The following BAIAP2L1 variants were observed in gnomAD, a reference collection of about 807,000 sequenced individuals.
BAIAP2L1 encodes BAR/IMD domain containing adaptor protein 2 like 1, also known as BAR/IMD domain-containing adapter protein 2-like 1.
BAIAP2L1 carries 35 observed loss-of-function variants against 66.3 expected under a neutral mutation model. The ratio of observed to expected loss-of-function variants is 0.53; its 90% confidence interval spans 0.40 to 0.70. The LOEUF (loss-of-function observed/expected upper bound fraction) is 0.70. BAIAP2L1 is among the 30% of genes least tolerant of loss of function. BAIAP2L1 has a pLI of 0.00. For synonymous variants in BAIAP2L1, 269 were observed against 248.7 expected (o/e 1.08, Z -0.77); for missense variants, 622 against 656.9 (o/e 0.95, Z 0.58).
chr7:98,381,919 A>C lies in BAIAP2L1; in HGVS notation c.51+18883T>G, dbSNP rs1253471346. Among the ~76,000 whole-genome samples the C allele has an allele frequency of 3.0e-5, 4 of 131,282 alleles. 1 individual carries two copies. Among genetic ancestry groups the C allele is most frequent in the Non-Finnish European group, 6.3e-5 (4 of 63,922 alleles). The allele number at this position is 131,282 out of a possible 152,430, so 86.1% of individuals were successfully genotyped here. A position where few individuals can be genotyped will look rare whatever the true frequency, so the allele number is the denominator to read the frequency against. ...CTACCCCCACCCACATTAGGGTAAA[A>C]ATCTAAGGGTTTTTTTTTTTTTTTG... is the stretch of plus-strand genomic sequence containing the variant. On this transcript the variant is annotated intron_variant, in intron 1 of 13. Coordinates refer to ENST00000005260, the MANE Select transcript of BAIAP2L1 (RefSeq NM_018842.5).
chr7:98,340,539 G>A (rs1484690761), intron 3 of BAIAP2L1, among the ~76,000 whole-genome samples: 1 of 151,840 alleles, frequency 6.6e-6, no homozygotes, highest in Non-Finnish European at 1.5e-5. Flanking sequence ...CACCCGCCTC[G>A]GCCTCCCAAA....
At chr7:98,393,397 A>G (rs1338384471) in intron 1 of BAIAP2L1, among the ~76,000 whole-genome samples, 1 of 151,732 alleles carries the variant, frequency 6.6e-6, no homozygotes, top group Non-Finnish European at 1.5e-5. Context: ...CCCTATTTAA[A>G]CTGGAGCTCG....
At position 98,320,287 on chromosome 7, in the gene BAIAP2L1, T is replaced by C. The variant is rs1434475499; in HGVS notation, c.226A>G (p.Ile76Val). Reference protein sequence around the residue: ...PVSTELGHVLIEISSTHKKLN... With the variant: ...PVSTELGHVLVEISSTHKKLN... ...TTCTTGTGGGTACTTGAAATCTCTATGAGGACATGTCCTGGGAACAAAACC... is the reference window on the plus strand; with the variant it reads ...TTCTTGTGGGTACTTGAAATCTCTACGAGGACATGTCCTGGGAACAAAACC... Residue 76 changes from isoleucine (I) to valine (V), a missense_variant, in exon 4 of 14, where the codon ATA becomes GTA. Transcript: ENST00000005260. 6.2e-7 allele frequency: 1 copy of C among 1,606,586 alleles called. No individual in the cohort carries two copies. Among genetic ancestry groups the C allele is most frequent in the South Asian group, 1.1e-5 (1 of 90,012 alleles).
chr7:98,300,703 C>T (rs1020145177), intron 12 of BAIAP2L1, among the ~76,000 whole-genome samples: 7 of 152,140 alleles, frequency 4.6e-5, no homozygotes, highest in South Asian at 2.1e-4. Context: ...CCGTGAGGTG[C>T]GAAGGGTGTG....
At chr7:98,321,238 A>G (rs1352624564) in intron 3 of BAIAP2L1, among the ~76,000 whole-genome samples, 1 of 152,212 alleles carries the variant, frequency 6.6e-6, no homozygotes, top group Non-Finnish European at 1.5e-5. Context: ...TGTCTCACAA[A>G]TGATTACTTC....
chr7:98,332,252 G>A (rs185313783), intron 3 of BAIAP2L1, among the ~76,000 whole-genome samples: 120 of 150,848 alleles, frequency 8.0e-4, no homozygotes, highest in African/African-American at 2.5e-3. Flanking sequence ...GTGTGGTGGC[G>A]CACACCTGTA....
At chr7:98,309,365 G>C (rs1479356133) in intron 9 of BAIAP2L1, 1 of 151,656 alleles carries the variant, frequency 6.6e-6, no homozygotes, top group Admixed American at 6.6e-5. Context: ...ATATTGGCCA[G>C]GCTGGTCTCG....
chr7:98,305,848 A>G (rs987345661), intron 11 of BAIAP2L1, among the ~76,000 whole-genome samples: 9 of 152,188 alleles, frequency 5.9e-5, no homozygotes, highest in African/African-American at 2.2e-4. Context: ...CTGATCTGGA[A>G]TACGGATTTG....
intron 1 of BAIAP2L1, among the ~76,000 whole-genome samples, chr7:98,372,570 T>C (rs1023218402): frequency 1.3e-5 from 2 of 152,146 alleles, no homozygotes; most frequent in Admixed American, 6.6e-5. Context: ...GCTTGTAACG[T>C]ATGTATCCTT....
chr7:98,362,956 T>C (rs1802306289), intron 1 of BAIAP2L1, among the ~76,000 whole-genome samples: 1 of 151,526 alleles, frequency 6.6e-6, no homozygotes, highest in Non-Finnish European at 1.5e-5. Context: ...AAGGGGGCAT[T>C]GGTAGCATGT....
chr7:98,351,085 T>C, intron 3 of BAIAP2L1, among the ~76,000 whole-genome samples: 1 of 152,152 alleles, frequency 6.6e-6, no homozygotes, highest in Non-Finnish European at 1.5e-5. Flanking sequence ...AGGCTCGAAC[T>C]CCTGACCTCG....
In BAIAP2L1 at chr7:98,361,048, G is replaced by A. The variant is rs376576391; in HGVS notation, c.127+1309C>T. 7.2e-5 allele frequency among the ~76,000 whole-genome samples: 11 copies of A among 152,202 alleles called. No homozygotes were observed. In the East Asian group the frequency reaches 9.7e-4, roughly 13 times the overall value. ...TTTATTTTCAAAATATCAACAGGGA[G>A]CAACCAGTATGGCAAAAAAGATAAG... On this transcript the variant is annotated intron_variant, in intron 2 of 13. Transcript: ENST00000005260.
intron 6 of BAIAP2L1, 80 bp downstream of exon 6, chr7:98,317,139 C>T: frequency 6.3e-7 from 1 of 1,579,836 alleles, no homozygotes; most frequent in East Asian, 2.3e-5. Context: ...AGGCGTGAGC[C>T]ACCGCACCCG....
At chr7:98,366,193 T>C (rs1802387185) in intron 1 of BAIAP2L1, among the ~76,000 whole-genome samples, 2 of 152,114 alleles carry the variant, frequency 1.3e-5, no homozygotes, top group African/African-American at 4.8e-5. Flanking sequence ...ACTGGACAGT[T>C]TGGAGCTGAT....
At chr7:98,296,469 T>C (rs938499219) in intron 12 of BAIAP2L1, among the ~76,000 whole-genome samples, 4 of 151,842 alleles carry the variant, frequency 2.6e-5, no homozygotes, top group African/African-American at 9.7e-5. Flanking sequence ...CTACTAAAAA[T>C]ACAAAATTAG....
In BAIAP2L1 at chr7:98,312,132, G is replaced by A; in HGVS notation, c.772C>T (p.Pro258Ser). The change falls in exon 8 of 14, where the codon CCT becomes TCT. Residue 258 changes from proline (P) to serine (S), a missense_variant. By Grantham distance (74) the Pro-to-Ser change is moderately conservative. Transcript: ENST00000005260. ...CTCTCGATCATGGGTGAAGCCTGAG[G>A]AGTTCCAGACACGGGGGTAGAGGCT... ...TPASTPVSGT[P>S]QASPMIERSN... The A allele has an allele frequency of 6.2e-7, 1 of 1,613,306 alleles. No homozygotes were observed.
At chr7:98,366,171 A>T (rs1433088764) in intron 1 of BAIAP2L1, among the ~76,000 whole-genome samples, 3 of 152,076 alleles carry the variant, frequency 2.0e-5, no homozygotes, top group African/African-American at 7.2e-5. Flanking sequence ...CGCAGTCAGG[A>T]AGGGGGCCGG....
At chr7:98,331,283 G>A (rs149218769) in intron 3 of BAIAP2L1, among the ~76,000 whole-genome samples, 62 of 152,012 alleles carry the variant, frequency 4.1e-4, no homozygotes, top group African/African-American at 1.4e-3. Flanking sequence ...AATACCAGGA[G>A]AAAAAGAGAG....
intron 9 of BAIAP2L1, chr7:98,308,428 C>T (rs1800747283): frequency 2.7e-6 from 1 of 376,996 alleles, no homozygotes; most frequent in Admixed American, 3.3e-5. Context: ...AGAGTCCTCA[C>T]CAGGTGCCAG....
Sources: allele counts gnomAD v4.1 joint callset (sites outside exome capture counted in the v4.1 genomes callset), GRCh38; gene constraint gnomAD v4.1.1; transcripts MANE v1.5; gene names NCBI Gene and HGNC (gene_info 2026-07-23, HGNC 2026-07-21).